NSUN7: variants seen among roughly 807,000 people sequenced by gnomAD.
NSUN7 encodes protein NSUN7.
In NSUN7, 39 loss-of-function variants were observed where a neutral mutation model predicts 58.5. The ratio of observed to expected loss-of-function variants is 0.67; its 90% CI spans 0.52 to 0.87. NSUN7 has a LOEUF of 0.87. Among genes scored for constraint, NSUN7 ranks in the 40% least tolerant of loss-of-function variants. The pLI is 0.00. For missense variants in NSUN7, 765 were observed against 844.1 expected, an observed-to-expected ratio of 0.91 and a Z score of 1.16; for synonymous variants, 278 against 303.7, an observed-to-expected ratio of 0.92 and a Z score of 0.88.
In NSUN7 at chr4:40,791,334, AT is replaced by A. The variant is rs1379112498; in HGVS notation, c.1180+591del. ...ACATTTAAAATAATAATTATTTAAC[AT>A]TAACATTTATTGAGCACTTAGATGT... On this transcript the variant is annotated intron_variant, in intron 8 of 11. Coordinates refer to ENST00000381782, the MANE Select transcript of NSUN7 (RefSeq NM_024677.6). Among the ~76,000 whole-genome samples, 4 of 152,356 alleles carry A rather than the reference AT, an allele frequency of 2.6e-5. 1 individual carries two copies. The highest frequency in any genetic ancestry group is 9.6e-5 in the African/African-American group (4 of 41,592).
intron 4 of NSUN7, among the ~76,000 whole-genome samples, chr4:40,764,099 T>A (rs982000346): frequency 1.1e-4 from 16 of 151,996 alleles, no homozygotes; most frequent in Non-Finnish European, 1.9e-4. Flanking sequence ...TATTATACTT[T>A]AAGTTTTAGG....
At chr4:40,792,783 T>G (rs1235732263) in intron 8 of NSUN7, among the ~76,000 whole-genome samples, 35 of 150,688 alleles carry the variant, frequency 2.3e-4, no homozygotes, top group Admixed American at 2.3e-3. Context: ...TATCCTGAAG[T>G]AAGCGGGCTT....
chr4:40,753,417 G>C (rs1482188199), intron 2 of NSUN7, among the ~76,000 whole-genome samples: 2 of 151,788 alleles, frequency 1.3e-5, no homozygotes, highest in Non-Finnish European at 2.9e-5. Context: ...CTCCCAAGTG[G>C]CACCTGCCAC....
chr4:40,789,444 C>T (rs1742980106), intron 7 of NSUN7, among the ~76,000 whole-genome samples: 1 of 151,978 alleles, frequency 6.6e-6, no homozygotes, highest in Non-Finnish European at 1.5e-5. Context: ...GAAATGCGAG[C>T]CAGATTAGAT....
At position 40,807,190 on chromosome 4, in the gene NSUN7, GA is replaced by G. The variant is rs113167696; in HGVS notation, c.1524+14del. On this transcript the variant is annotated splice_region_variant and intron_variant, in intron 11 of 11. Transcript: ENST00000381782. ...TTTCTATTTTAACAAGGGAGGTAAGGAAAAAAAATCCTAATCCATGTCATAC... is the reference window on the plus strand; with the variant it reads ...TTTCTATTTTAACAAGGGAGGTAAGGAAAAAAATCCTAATCCATGTCATAC... 228,487 of 1,539,332 alleles carry G rather than the reference GA, an allele frequency of 0.15. 21,216 individuals are homozygous for G. Among genetic ancestry groups the G allele is most frequent in the Admixed American group, 0.41 (19,382 of 47,800 alleles).
intron 10 of NSUN7, among the ~76,000 whole-genome samples, chr4:40,802,780 ATTC>A (rs1340180344): frequency 1.1e-3 from 134 of 126,850 alleles, no homozygotes; most frequent in South Asian, 4.4e-3. Context: ...ACTGCATTCT[ATTC>A]TTTTTTTTTT....
intron 2 of NSUN7, among the ~76,000 whole-genome samples, chr4:40,759,876 A>G (rs1741365430): frequency 6.6e-6 from 1 of 152,122 alleles, no homozygotes; most frequent in African/African-American, 2.4e-5. Context: ...CCCCATTTCT[A>G]CAAAAAATAC....
chr4:40,808,992 C>T lies in NSUN7; in HGVS notation c.*53C>T. On this transcript the variant is annotated 3_prime_UTR_variant, in exon 12 of 12. Coordinates refer to ENST00000381782, the MANE Select transcript of NSUN7 (RefSeq NM_024677.6). ...AGAGCAGTTGATTTTTTTTCAAAGT[C>T]TAGTATTTCTCTGAAGATTCTACAT... 1 of 1,439,488 alleles carries T rather than the reference C, an allele frequency of 6.9e-7. No homozygotes were observed. The highest frequency in any genetic ancestry group is 9.1e-7 in the Non-Finnish European group (1 of 1,094,850). 89.2% of individuals were successfully genotyped at this position (1,439,488 alleles called of 1,614,324 possible).
At chr4:40,795,479 T>C (rs1337044343) in intron 9 of NSUN7, among the ~76,000 whole-genome samples, 1 of 152,196 alleles carries the variant, frequency 6.6e-6, no homozygotes, top group Non-Finnish European at 1.5e-5. Flanking sequence ...GCATTTTAAT[T>C]AAATTTTAAT....
At position 40,801,218 on chromosome 4, in the gene NSUN7, A is replaced by G. The variant is rs994237470; in HGVS notation, c.1400+2314A>G. On this transcript the variant is annotated intron_variant, in intron 10 of 11. Transcript: ENST00000381782. ...AGATGTTAACATCCCAGGACAATGGACTATAACAAGGTAGTGACAGTTATA... is the reference window on the plus strand; with the variant it reads ...AGATGTTAACATCCCAGGACAATGGGCTATAACAAGGTAGTGACAGTTATA... Among the ~76,000 whole-genome samples, 6 of 152,310 alleles carry G rather than the reference A, an allele frequency of 3.9e-5. No individual in the cohort carries two copies. The East Asian group carries it at 1.2e-3, about 29-fold the overall frequency.
chr4:40,760,451 A>C lies in NSUN7; in HGVS notation c.316A>C (p.Thr106Pro), dbSNP rs1741393471. The change falls in exon 3 of 12, where the codon ACT (threonine) becomes CCT (proline). Residue 106 changes from threonine (T) to proline (P), a missense_variant. Transcript: ENST00000381782. ...TTTTGCAGATCAAGATATTTTGGAAACTATATTGATAGACAGCTGTATCTT... is the reference window on the plus strand; with the variant it reads ...TTTTGCAGATCAAGATATTTTGGAACCTATATTGATAGACAGCTGTATCTT... ...SALKYQDILETILIDSCIFPS... is the reference protein window; with the variant it reads ...SALKYQDILEPILIDSCIFPS... 6.2e-7 allele frequency: 1 copy of C among 1,609,908 alleles called. No individual in the cohort carries two copies. The highest frequency in any genetic ancestry group is 1.3e-5 in the African/African-American group (1 of 74,720).
chr4:40,793,297 C>T (rs374608837), intron 8 of NSUN7, among the ~76,000 whole-genome samples: 3 of 151,984 alleles, frequency 2.0e-5, no homozygotes, highest in African/African-American at 4.8e-5. Flanking sequence ...CAAAAATTAG[C>T]CGGGCATCAT....
intron 7 of NSUN7, 67 bp from the exon 8 acceptor site, chr4:40,790,535 C>A (rs533407441): frequency 2.0e-5 from 20 of 989,826 alleles, no homozygotes; most frequent in Middle Eastern, 5.8e-4. Flanking sequence ...TAAATAGATA[C>A]AATCACATAC....
At chr4:40,761,487 A>G (rs1741461885) in intron 4 of NSUN7, among the ~76,000 whole-genome samples, 186 bp downstream of exon 4, 3 of 152,176 alleles carry the variant, frequency 2.0e-5, no homozygotes, top group Non-Finnish European at 2.9e-5. Context: ...TTTGAAATCA[A>G]TTTGTTTTTC....
chr4:40,756,205 C>T (rs2437330), intron 2 of NSUN7, among the ~76,000 whole-genome samples: 1,889 of 152,326 alleles, frequency 0.012, 41 homozygotes, highest in African/African-American at 0.043. Flanking sequence ...CCACCCAGGC[C>T]TGCTGAGCAG....
At chr4:40,795,811 A>G (rs1273323070) in intron 9 of NSUN7, among the ~76,000 whole-genome samples, 1 of 152,260 alleles carries the variant, frequency 6.6e-6, no homozygotes, top group South Asian at 2.1e-4. Flanking sequence ...AAAAACAAAT[A>G]CAAATTAAAA....
At chr4:40,755,145 A>G (rs1450308442) in intron 2 of NSUN7, among the ~76,000 whole-genome samples, 1 of 152,202 alleles carries the variant, frequency 6.6e-6, no homozygotes, top group Non-Finnish European at 1.5e-5. Flanking sequence ...ACTGGAGTGC[A>G]GTGGCGCGAT....
chr4:40,803,533 G>C (rs1295157137), intron 10 of NSUN7, among the ~76,000 whole-genome samples: 3 of 152,058 alleles, frequency 2.0e-5, no homozygotes, highest in Non-Finnish European at 4.4e-5. Context: ...TTCTCTGATG[G>C]CCAGTGATGA....
rs2154287670 is a variant in NSUN7 at position 40,775,273 on chromosome 4, TC to T, written c.825+325del. The T allele has an allele frequency of 6.2e-6, 1 of 161,552 alleles. No homozygotes were observed. Among genetic ancestry groups the T allele is most frequent in the Non-Finnish European group, 1.3e-5 (1 of 74,578 alleles). 10.0% of individuals were successfully genotyped at this position (161,552 alleles called of 1,614,324 possible). On this transcript the variant is annotated intron_variant, in intron 6 of 11. Transcript: ENST00000381782. This position sits in a 1 kb window ranked among gnomAD's most constrained non-coding sequence, Gnocchi z 4.3. ...GAGAAAGTACAATGAGACCTTTTCTTCCTTCCCTTTCTGGGGAAGATGCTAG... is the reference window on the plus strand; with the variant it reads ...GAGAAAGTACAATGAGACCTTTTCTTCTTCCCTTTCTGGGGAAGATGCTAG...
Sources: allele counts gnomAD v4.1 joint callset (sites outside exome capture counted in the v4.1 genomes callset), GRCh38; gene constraint gnomAD v4.1.1; non-coding constraint Gnocchi (gnomAD v3.1); transcripts MANE v1.5; gene names NCBI Gene and HGNC (gene_info 2026-07-23, HGNC 2026-07-21).